UBR4: variants seen among roughly 807,000 people sequenced by gnomAD.
The protein encoded by UBR4 is ubiquitin protein ligase E3 component n-recognin 4.
Under a neutral mutation model 575.6 loss-of-function variants are expected in UBR4, and 124 were observed. The ratio of observed to expected loss-of-function variants is 0.22; its 90% confidence interval spans 0.19 to 0.25. The LOEUF (loss-of-function observed/expected upper bound fraction) is 0.25. Ranked by LOEUF, UBR4 falls within the 10% of genes least tolerant of loss-of-function variation. The probability of loss-of-function intolerance (pLI) is 1.00; values close to 1 mark genes in which losing one functional copy is unlikely to be tolerated. For missense variants in UBR4, 4,818 were observed against 6,478.8 expected (o/e 0.74, Z 8.80); for synonymous variants, 2,455 against 2,473.7 (o/e 0.99, Z 0.22).
rs1361085243 is a variant in UBR4, at chr1:19,084,610, A to G, written c.14902T>C (p.Phe4968Leu). ...GCGCTGAACGACTGCTCCATGGCGA[A>G]GCGCAGGAAGAGCAGTTTGATGTCA... The part of the protein sequence containing the change: ...IHDIKLLFLR[F>L]AMEQSFSADT... The change falls in exon 102 of 106, where the codon TTC becomes CTC. Residue 4968 changes from phenylalanine to leucine, a missense_variant. Phe to Leu is a conservative substitution (Grantham distance 22, BLOSUM62 0). This residue lies in a region of UBR4 where 196 missense variants were observed against 386.8 expected (regional missense o/e 0.51). Coordinates refer to ENST00000375254, the MANE Select transcript of UBR4 (RefSeq NM_020765.3). The G allele has an allele frequency of 6.2e-7, 1 of 1,614,162 alleles. No homozygotes were observed. Among genetic ancestry groups the G allele is most frequent in the East Asian group, 2.2e-5 (1 of 44,880 alleles).
chr1:19,183,924 T>C (rs1344727537), intron 16 of UBR4, 28 bp from the exon 17 acceptor site: 1 of 1,614,004 alleles, frequency 6.2e-7, no homozygotes, highest in Non-Finnish European at 8.5e-7. Flanking sequence ...AAGCCAATTA[T>C]TTAAGCAGCT....
At chr1:19,148,358 G>A (rs989932721) in intron 50 of UBR4, among the ~76,000 whole-genome samples, 1 of 152,118 alleles carries the variant, frequency 6.6e-6, no homozygotes, top group African/African-American at 2.4e-5. Context: ...GTACCAACAC[G>A]CATCCTATTC....
chr1:19,146,015 A>G, intron 52 of UBR4, 82 bp from the exon 53 acceptor site: 1 of 1,607,718 alleles, frequency 6.2e-7, no homozygotes, highest in Non-Finnish European at 8.5e-7. Context: ...CAGGTCAAGG[A>G]AGCTTGCCTG....
intron 18 of UBR4, 74 bp from the exon 19 acceptor site, chr1:19,177,817 G>A: frequency 1.3e-6 from 2 of 1,486,960 alleles, no homozygotes; most frequent in Non-Finnish European, 1.8e-6. Context: ...TCAAGCACTA[G>A]AAGAGTTAAA....
rs2077237626 is a variant in UBR4, at chr1:19,088,659, A to G, written c.14430+100T>C. 3 of 1,195,034 alleles carry G rather than the reference A, an allele frequency of 2.5e-6. No homozygotes were observed. Among genetic ancestry groups the G allele is most frequent in the South Asian group, 2.7e-5 (2 of 75,106 alleles). 74.0% of individuals were successfully genotyped at this position (1,195,034 alleles called of 1,614,324 possible). The stretch of plus-strand genomic sequence containing the variant: ...CTAGTTCCTTCCTCCTACTCTGTCC[A>G]GCCTTCTCTTTCCCCATGGCCAACC... On this transcript the variant is annotated intron_variant, in intron 98 of 105. Transcript: ENST00000375254. The surrounding 1 kb of genome is among the most constrained non-coding windows in gnomAD (Gnocchi z 4.0).
intron 71 of UBR4, 179 bp downstream of exon 71, chr1:19,118,693 T>C (rs2080858203): frequency 3.2e-6 from 2 of 631,132 alleles, no homozygotes; most frequent in Admixed American, 2.9e-5. Context: ...CAATGACATT[T>C]TGAGTACCTT....
At position 19,093,762 on chromosome 1, in the gene UBR4, A is replaced by G. The variant is rs145879753; in HGVS notation, c.13937+187T>C. ...ACCAACCACTTTGCCTTCTCTGACT[A>G]GCCAATTGCTACTCTAATACAGTAT... On this transcript the variant is annotated intron_variant, in intron 95 of 105. Coordinates refer to ENST00000375254, the MANE Select transcript of UBR4 (RefSeq NM_020765.3). This position sits in a 1 kb window ranked among gnomAD's most constrained non-coding sequence, Gnocchi z 4.8. 7.9e-5 allele frequency among the ~76,000 whole-genome samples: 12 copies of G among 152,310 alleles called. No individual in the cohort carries two copies. Among genetic ancestry groups the G allele is most frequent in the African/African-American group, 2.6e-4 (11 of 41,562 alleles).
At chr1:19,167,329 G>C (rs758525706) in intron 28 of UBR4, 98 bp from the exon 29 acceptor site, 11 of 1,350,350 alleles carry the variant, frequency 8.1e-6, no homozygotes, top group East Asian at 2.3e-5. Flanking sequence ...GGGAAGAGGG[G>C]AAGGGGAATT....
rs768854113 is a variant in UBR4 at position 19,110,112 on chromosome 1, G to A, written c.12089C>T (p.Thr4030Ile). ...LQKLIKPPAP[T>I]SKKNKDVPVE... ...GCCCAGTACCTTGTTCTTCTTGCTA[G>A]TGGGAGCAGGTGGTTTTATCAGCTT... The change falls in exon 81 of 106, where the codon ACT (threonine) becomes ATT (isoleucine). Residue 4030 changes from threonine to isoleucine, a missense_variant. Thr to Ile is a moderately conservative substitution (Grantham distance 89, BLOSUM62 -1). Transcript: ENST00000375254. This position sits in a 1 kb window ranked among gnomAD's most constrained non-coding sequence, Gnocchi z 4.5. 1 of 1,614,164 alleles carries A rather than the reference G, an allele frequency of 6.2e-7. No individual in the cohort carries two copies. Among genetic ancestry groups the A allele is most frequent in the Non-Finnish European group, 8.5e-7 (1 of 1,180,026 alleles).
rs113829555 is a variant in UBR4, at chr1:19,130,423, GGAA to G, written c.8907-1352_8907-1350del. On this transcript the variant is annotated intron_variant, in intron 60 of 105. Coordinates refer to ENST00000375254, the MANE Select transcript of UBR4 (RefSeq NM_020765.3). ...GCCATGTGCCTGTAGTCCTGCCTCA[GGAA>G]GATCACTTGATCCCAGGAGTTCAAG... 3.8e-4 allele frequency among the ~76,000 whole-genome samples: 58 copies of G among 152,216 alleles called. 1 individual carries two copies. In the South Asian group the frequency reaches 7.3e-3, roughly 19 times the overall value.
At chr1:19,197,051 G>A in intron 8 of UBR4, 90 bp downstream of exon 8, 2 of 1,470,392 alleles carry the variant, frequency 1.4e-6, no homozygotes, top group Non-Finnish European at 9.2e-7. Flanking sequence ...CAAGGGGGAT[G>A]AGTAGAGTAT....
At position 19,119,837 on chromosome 1, in the gene UBR4, A is replaced by G. The variant is rs547984550; in HGVS notation, c.10311-136T>C. ...GAACGGTTTTGTTTCACTTTTGACA[A>G]TCAATCCTACCAGATGCAGCATAGT... On this transcript the variant is annotated intron_variant, in intron 69 of 105. Coordinates refer to ENST00000375254, the MANE Select transcript of UBR4 (RefSeq NM_020765.3). The G allele has an allele frequency of 5.8e-6, 7 of 1,207,366 alleles. No homozygotes were observed. In the African/African-American group the frequency reaches 7.6e-5, roughly 13 times the overall value. 74.8% of individuals were successfully genotyped at this position (1,207,366 alleles called of 1,614,324 possible). A position where few individuals can be genotyped will look rare whatever the true frequency, so the allele number is the denominator to read the frequency against.
chr1:19,201,690 A>T (rs201600309), intron 2 of UBR4, 28 bp downstream of exon 2: 1 of 1,585,444 alleles, frequency 6.3e-7, no homozygotes, highest in Non-Finnish European at 8.7e-7. Flanking sequence ...AAGCCCTCAG[A>T]AGGGAAGGAC....
At chr1:19,149,809 C>CAA in intron 49 of UBR4, 1 of 1,233,464 alleles carries the variant, frequency 8.1e-7, no homozygotes, top group Admixed American at 3.2e-5. Flanking sequence ...GGGGGAGAAG[C>CAA]AAAGAAAAAA....
intron 59 of UBR4, 123 bp from the exon 60 acceptor site, chr1:19,138,304 TTTTTGTC>T: frequency 9.1e-7 from 1 of 1,096,356 alleles, no homozygotes; most frequent in Non-Finnish European, 1.2e-6. Flanking sequence ...ACTGGTAGCA[TTTTTGTC>T]TTATATGTAA....
rs1178952460 is a variant in UBR4, at chr1:19,161,821, C to T, written c.5027+6G>A. The T allele has an allele frequency of 6.2e-7, 1 of 1,614,100 alleles. No individual in the cohort carries two copies. Among genetic ancestry groups the T allele is most frequent in the African/African-American group, 1.3e-5 (1 of 74,934 alleles). On this transcript the variant is annotated splice_donor_region_variant and intron_variant, in intron 36 of 105. Transcript: ENST00000375254. ...ATCTTCACCTTAAAGGAAGAACTAC[C>T]CTTACCAATGCTGGTTCATGAATTC...
At chr1:19,123,492 C>A (rs1237651658) in intron 65 of UBR4, among the ~76,000 whole-genome samples, 1 of 147,990 alleles carries the variant, frequency 6.8e-6, no homozygotes, top group African/African-American at 2.5e-5. Context: ...GAAACACAAA[C>A]CAAGCTATTT....
At position 19,076,827 on chromosome 1, in the gene UBR4, T is replaced by C. The variant is rs1165629503; in HGVS notation, c.15400A>G (p.Ile5134Val). ...AEYIRHNDMP[I>V]YEAADKALKT... ...AGGGCTTTGTCGGCAGCTTCGTAGA[T>C]GGGCATGTCGTTGTGGCGGATGTAC... Residue 5134 changes from isoleucine (I) to valine (V), a missense_variant, in exon 105 of 106, where the codon ATC becomes GTC. Ile to Val is a conservative substitution (Grantham distance 29). Coordinates refer to ENST00000375254, the MANE Select transcript of UBR4 (RefSeq NM_020765.3). The C allele has an allele frequency of 4.3e-6, 7 of 1,613,590 alleles. No homozygotes were observed. Among genetic ancestry groups the C allele is most frequent in the Admixed American group, 1.7e-5 (1 of 59,898 alleles).
At chr1:19,164,771 A>T (rs1432292396) in intron 32 of UBR4, 28 bp downstream of exon 32, 1 of 1,608,412 alleles carries the variant, frequency 6.2e-7, no homozygotes, top group Non-Finnish European at 8.5e-7. Flanking sequence ...GTTGCTAGGG[A>T]AACACGACAG....
Sources: gnomAD v4.1 joint callset for allele counts (sites outside exome capture counted in the v4.1 genomes callset) on GRCh38, gnomAD v4.1.1 for gene constraint, gnomAD v4.1.1 regional missense constraint, Gnocchi (gnomAD v3.1) non-coding constraint, MANE v1.5 for transcripts, NCBI Gene and HGNC (gene_info 2026-07-23, HGNC 2026-07-21) for gene names.